Variants in COL3A1 observed in about 807,000 individuals in gnomAD.
The protein encoded by COL3A1 is collagen alpha-1(III) chain.
Under a neutral mutation model 200.9 loss-of-function variants are expected in COL3A1, and 46 were observed. That is an observed-to-expected ratio of 0.23 (90% CI 0.18 to 0.29). The LOEUF is 0.29. Among genes scored for constraint, COL3A1 ranks in the 10% least tolerant of loss-of-function variants. The probability of loss-of-function intolerance (pLI) is 1.00; values close to 1 mark genes in which losing one functional copy is unlikely to be tolerated. For missense variants in COL3A1, 1,367 were observed against 1,917.6 expected (o/e 0.71, Z 5.36); for synonymous variants, 650 against 628.0 (o/e 1.03, Z -0.52).
intron 1 of COL3A1, among the ~76,000 whole-genome samples, chr2:188,978,433 T>C (rs906987356): frequency 5.9e-5 from 9 of 151,950 alleles, no homozygotes; most frequent in African/African-American, 2.2e-4. Flanking sequence ...GGACCTTGAG[T>C]TGTCACTCAG....
chr2:189,011,550 T>G, intron 50 of COL3A1, 78 bp from the exon 51 acceptor site: 1 of 1,565,468 alleles, frequency 6.4e-7, no homozygotes. Context: ...AGTAAAAAGG[T>G]TTTCTTTAAC....
chr2:188,980,157 T>C (rs774708472), intron 1 of COL3A1, among the ~76,000 whole-genome samples: 15 of 151,638 alleles, frequency 9.9e-5, no homozygotes, highest in Non-Finnish European at 1.6e-4. Context: ...AATTTAAAGT[T>C]GTTTGCCAAA....
chr2:188,988,106 C>A lies in COL3A1; in HGVS notation c.554C>A (p.Pro185His). 6.2e-7 allele frequency: 1 copy of A among 1,613,010 alleles called. No individual in the cohort carries two copies. Among genetic ancestry groups the A allele is most frequent in the African/African-American group, 1.3e-5 (1 of 75,018 alleles). ...GGCCCCCCAGGCCCTCCCGGTCCCC[C>A]TGGTACATCTGGTCATCCTGGTTCC... ...PAGPPGPPGP[P>H]GTSGHPGSPG... Residue 185 changes from proline to histidine, a missense_variant, in exon 6 of 51, where the codon CCT becomes CAT. Physicochemically the swap from Pro to His is moderately conservative, Grantham distance 77. Transcript: ENST00000304636.
chr2:188,990,475 T>C, intron 10 of COL3A1, 115 bp downstream of exon 10: 1 of 914,010 alleles, frequency 1.1e-6, no homozygotes, highest in South Asian at 1.5e-5. Context: ...AATTAATTAA[T>C]TTGATATTTT....
Position 189,004,286 on chromosome 2 carries a change from G to T in COL3A1, c.2853G>T (p.Gly951=), listed in dbSNP as rs1576470773. ...CTCCAGGCCCACTTGGGATTGCTGG[G>T]ATCACTGGAGCACGGGGTCTTGCAG... ...PGAPGPLGIA[G]ITGARGLAGP... is the part of the protein sequence containing the mutation. The change falls in exon 40 of 51, where the codon GGG becomes GGT. Residue 951 remains glycine (G), a synonymous_variant. Transcript: ENST00000304636. 6.2e-7 allele frequency: 1 copy of T among 1,607,394 alleles called. No homozygotes were observed. Among genetic ancestry groups the T allele is most frequent in the South Asian group, 1.1e-5 (1 of 89,030 alleles).
chr2:188,990,101 A>G lies in COL3A1; in HGVS notation c.696A>G (p.Glu232=), dbSNP rs193922177. The G allele has an allele frequency of 4.2e-5, 67 of 1,613,404 alleles. No homozygotes were observed. Among genetic ancestry groups the G allele is most frequent in the Non-Finnish European group, 5.4e-5 (64 of 1,179,576 alleles). The change falls in exon 9 of 51, where the codon GAA becomes GAG. Residue 232 remains glutamate, a synonymous_variant. Transcript: ENST00000304636. Reference sequence around the variant, plus strand: ...TTCTTTATTTCTCTACCTAGGGAGAATCAGGTAGACCCGGACGACCTGGAG... The same window carrying G: ...TTCTTTATTTCTCTACCTAGGGAGAGTCAGGTAGACCCGGACGACCTGGAG... ...GPSGPAGKDG[E]SGRPGRPGER... is the part of the protein sequence containing the mutation.
rs1194680785 is a variant in COL3A1, at chr2:188,984,730, A to C, written c.80-30A>C. 8 of 1,606,136 alleles carry C rather than the reference A, an allele frequency of 5.0e-6. No individual in the cohort carries two copies. In the African/African-American group the frequency reaches 6.7e-5, roughly 13 times the overall value. The stretch of plus-strand genomic sequence containing the variant: ...AATCACCTTTCAGCAAAACCTAAGG[A>C]AACTTCACGTCATCTAACTTGTTTT... On this transcript the variant is annotated intron_variant, in intron 1 of 50. Transcript: ENST00000304636.
At chr2:189,011,561 T>G (rs1227632404) in intron 50 of COL3A1, 67 bp from the exon 51 acceptor site, 1 of 1,598,190 alleles carries the variant, frequency 6.3e-7, no homozygotes, top group Non-Finnish European at 8.6e-7. Context: ...TTTCTTTAAC[T>G]TGTTAAGTCA....
rs1479463446 is a variant in COL3A1 at position 188,994,314 on chromosome 2, T to A, written c.1275T>A (p.Pro425=). 3 of 1,613,778 alleles carry A rather than the reference T, an allele frequency of 1.9e-6. No homozygotes were observed. Among genetic ancestry groups the A allele is most frequent in the Non-Finnish European group, 2.5e-6 (3 of 1,179,974 alleles). Residue 425 remains proline (P), a synonymous_variant, in exon 18 of 51, where the codon CCT becomes CCA. Coordinates refer to ENST00000304636, the MANE Select transcript of COL3A1 (RefSeq NM_000090.4). The surrounding 1 kb of genome is among the most constrained non-coding windows in gnomAD (Gnocchi z 4.5). ...GACCAGCCGGTGCTAATGGTGCTCCTGGACTGCGAGGTGGTGCAGTAAGTT... is the reference window on the plus strand; with the variant it reads ...GACCAGCCGGTGCTAATGGTGCTCCAGGACTGCGAGGTGGTGCAGTAAGTT... ...PPGPAGANGA[P]GLRGGAGEPG... is the part of the protein sequence containing the mutation.
intron 10 of COL3A1, 22 bp from the exon 11 acceptor site, chr2:188,990,982 G>A (rs768546678): frequency 6.2e-7 from 1 of 1,609,400 alleles, no homozygotes; most frequent in African/African-American, 1.3e-5. Context: ...TAATAATTTT[G>A]CTGGTTTTAT....
chr2:189,000,133 G>T (rs1454188930), intron 32 of COL3A1, among the ~76,000 whole-genome samples: 1 of 152,104 alleles, frequency 6.6e-6, no homozygotes, highest in African/African-American at 2.4e-5. Flanking sequence ...TCACAAACTA[G>T]CATTTGTGAG....
In COL3A1 at chr2:188,991,065, A is replaced by C; in HGVS notation, c.852+8A>C. The C allele has an allele frequency of 1.9e-6, 3 of 1,611,708 alleles. No homozygotes were observed. The highest frequency in any genetic ancestry group is 1.1e-5 in the South Asian group (1 of 90,786). On this transcript the variant is annotated splice_region_variant and intron_variant, in intron 11 of 50. Transcript: ENST00000304636. ...GGTGCTCCTGGATTAAAGGTAAATC[A>C]CAACAAAAATCATATTTTCATAAGT...
At chr2:188,978,741 C>A in intron 1 of COL3A1, among the ~76,000 whole-genome samples, 1 of 133,762 alleles carries the variant, frequency 7.5e-6, no homozygotes, top group African/African-American at 2.9e-5. Context: ...AGCTCAATCC[C>A]ATTGTTTCCA....
intron 1 of COL3A1, among the ~76,000 whole-genome samples, chr2:188,976,404 G>A (rs1687817020): frequency 6.6e-6 from 1 of 152,070 alleles, no homozygotes; most frequent in South Asian, 2.1e-4. Context: ...ATATGTGTTT[G>A]TGTGTTCTTA....
At chr2:188,988,820 A>G (rs979067911) in intron 7 of COL3A1, among the ~76,000 whole-genome samples, 177 bp downstream of exon 7, 7 of 152,052 alleles carry the variant, frequency 4.6e-5, no homozygotes, top group Non-Finnish European at 8.8e-5. Flanking sequence ...TAGCTATCTT[A>G]GAGACACTAG....
At chr2:189,008,254 A>G in intron 47 of COL3A1, 112 bp downstream of exon 47, 4 of 874,976 alleles carry the variant, frequency 4.6e-6, no homozygotes, top group Non-Finnish European at 7.5e-6. Flanking sequence ...CATCCACTCA[A>G]TTTAGAAACT....
chr2:188,976,228 C>T (rs945749585), intron 1 of COL3A1, among the ~76,000 whole-genome samples: 1 of 152,040 alleles, frequency 6.6e-6, no homozygotes, highest in Non-Finnish European at 1.5e-5. Flanking sequence ...GTAGTTGCCT[C>T]GTGGTTGCAA....
intron 38 of COL3A1, 92 bp downstream of exon 38, chr2:189,003,879 T>A: frequency 6.3e-7 from 1 of 1,581,716 alleles, no homozygotes; most frequent in Non-Finnish European, 8.7e-7. Context: ...TGCTACTTAT[T>A]TCTCTAGTAA....
At chr2:189,010,389 T>A in intron 49 of COL3A1, 24 bp downstream of exon 49, 1 of 1,611,222 alleles carries the variant, frequency 6.2e-7, no homozygotes, top group Non-Finnish European at 8.5e-7. Flanking sequence ...TACCTTTTTT[T>A]AAATAAGTCA....
Sources: gnomAD v4.1 joint callset for allele counts (sites outside exome capture counted in the v4.1 genomes callset) on GRCh38, gnomAD v4.1.1 for gene constraint, Gnocchi (gnomAD v3.1) non-coding constraint, MANE v1.5 for transcripts, NCBI Gene and HGNC (gene_info 2026-07-23, HGNC 2026-07-21) for gene names.